PLXDC2: variants seen among roughly 807,000 people sequenced by gnomAD.
The protein encoded by PLXDC2 is plexin domain containing 2.
A neutral mutation model predicts 68.9 loss-of-function variants in PLXDC2; 40 were observed. That is an observed-to-expected ratio of 0.58 (90% CI 0.45 to 0.76). The LOEUF (loss-of-function observed/expected upper bound fraction) is 0.76. Ranked by LOEUF, PLXDC2 falls within the 30% of genes least tolerant of loss-of-function variation. The pLI is 0.00. For synonymous variants in PLXDC2, 243 were observed against 234.2 expected, an observed-to-expected ratio of 1.04 and a Z score of -0.34; for missense variants, 644 against 661.9, an observed-to-expected ratio of 0.97 and a Z score of 0.30.
At position 19,899,791 on chromosome 10, in the gene PLXDC2, T is replaced by C. The variant is rs893379989; in HGVS notation, c.112+82600T>C. Reference sequence around the variant, plus strand: ...ATACTAGTTAAGTATTTTAGATTTCTTTAACACCTTTATGTGTTCATGATA... The same window carrying C: ...ATACTAGTTAAGTATTTTAGATTTCCTTAACACCTTTATGTGTTCATGATA... On this transcript the variant is annotated intron_variant, in intron 1 of 13. Transcript: ENST00000377252. 2.6e-5 allele frequency among the ~76,000 whole-genome samples: 4 copies of C among 152,270 alleles called. No homozygotes were observed. In the South Asian group the frequency reaches 8.3e-4, roughly 32 times the overall value.
At chr10:19,931,364 T>C (rs2131389435) in intron 1 of PLXDC2, among the ~76,000 whole-genome samples, 1 of 152,296 alleles carries the variant, frequency 6.6e-6, no homozygotes, top group South Asian at 2.1e-4. Context: ...GCCAAGCTGT[T>C]TTTAATGACC....
intron 1 of PLXDC2, among the ~76,000 whole-genome samples, chr10:19,872,861 G>A (rs533041095): frequency 3.4e-3 from 513 of 152,224 alleles, no homozygotes; most frequent in Non-Finnish European, 6.4e-3. Flanking sequence ...CCTGGGACAC[G>A]CTTTTAAATT....
chr10:19,929,692 A>C (rs1366050814), intron 1 of PLXDC2, among the ~76,000 whole-genome samples: 1 of 152,224 alleles, frequency 6.6e-6, no homozygotes, highest in African/African-American at 2.4e-5. Context: ...TCAGGAAGAA[A>C]AAAATAAAAC....
At chr10:20,019,735 C>G (rs959309797) in intron 2 of PLXDC2, among the ~76,000 whole-genome samples, 4 of 152,140 alleles carry the variant, frequency 2.6e-5, no homozygotes, top group Admixed American at 1.3e-4. Context: ...ATGTTGGCAC[C>G]TTGACACTGA....
chr10:20,174,637 C>T (rs1834501162), intron 7 of PLXDC2, among the ~76,000 whole-genome samples: 1 of 151,894 alleles, frequency 6.6e-6, no homozygotes, highest in African/African-American at 2.4e-5. Context: ...ACAATGGGGC[C>T]TGTTGTGGGG....
chr10:19,883,979 C>T lies in PLXDC2; in HGVS notation c.112+66788C>T, dbSNP rs1430003078. 3.5e-5 allele frequency among the ~76,000 whole-genome samples: 5 copies of T among 141,850 alleles called. No individual in the cohort carries two copies. In the East Asian group the frequency reaches 1.1e-3, roughly 31 times the overall value. 93.1% of individuals were successfully genotyped at this position (141,850 alleles called of 152,430 possible). On this transcript the variant is annotated intron_variant, in intron 1 of 13. Transcript: ENST00000377252. ...CGTGATTGATCTCGGCTCACTGCAG[C>T]CTCAACTTCCTGGGCTCAGGTGATC...
rs908233707 is a variant in PLXDC2 at position 20,285,783 on chromosome 10, T to C, written c.*5964T>C. On this transcript the variant is annotated 3_prime_UTR_variant, in exon 14 of 14. Transcript: ENST00000377252. ...AAAAAGCATTTGCACTTTAGGTGTG[T>C]GTGGTGGTTATGTCATTTATTAGAC... The C allele has an allele frequency of 5.2e-4, 79 of 152,298 alleles. No individual in the cohort carries two copies. Among genetic ancestry groups the C allele is most frequent in the African/African-American group, 1.8e-3 (76 of 41,580 alleles). 9.4% of individuals were successfully genotyped at this position (152,298 alleles called of 1,614,324 possible). A position where few individuals can be genotyped will look rare whatever the true frequency, so the allele number is the denominator to read the frequency against.
At chr10:20,124,970 A>G (rs1313996568) in intron 4 of PLXDC2, among the ~76,000 whole-genome samples, 1 of 152,090 alleles carries the variant, frequency 6.6e-6, no homozygotes, top group African/African-American at 2.4e-5. Flanking sequence ...ATGAGAGGGT[A>G]ATATAGTGGC....
At chr10:20,067,747 T>A (rs758857101) in intron 3 of PLXDC2, among the ~76,000 whole-genome samples, 31 of 151,990 alleles carry the variant, frequency 2.0e-4, no homozygotes, top group Non-Finnish European at 4.1e-4. Flanking sequence ...TCTTCTTCCG[T>A]GAAACTGCTT....
chr10:20,180,048 A>G (rs528262006), intron 9 of PLXDC2, among the ~76,000 whole-genome samples: 4 of 152,166 alleles, frequency 2.6e-5, no homozygotes, highest in East Asian at 3.9e-4. Context: ...AATCTTTCCT[A>G]GTTGATACCA....
intron 1 of PLXDC2, among the ~76,000 whole-genome samples, chr10:19,842,871 C>T (rs149609538): frequency 2.0e-3 from 302 of 151,998 alleles, no homozygotes; most frequent in African/African-American, 6.5e-3. Context: ...TATCTTTTGA[C>T]GTCATGTTTA....
At chr10:19,849,353 A>T (rs574980548) in intron 1 of PLXDC2, among the ~76,000 whole-genome samples, 18 of 152,204 alleles carry the variant, frequency 1.2e-4, no homozygotes, top group African/African-American at 4.3e-4. Flanking sequence ...CAAATTTTTT[A>T]ATGAAAACTT....
At chr10:20,086,197 T>A (rs1188503126) in intron 4 of PLXDC2, among the ~76,000 whole-genome samples, 3 of 151,986 alleles carry the variant, frequency 2.0e-5, no homozygotes, top group Non-Finnish European at 4.4e-5. Context: ...TTTCACCCTG[T>A]CTCCGAGGCT....
intron 4 of PLXDC2, among the ~76,000 whole-genome samples, chr10:20,102,121 A>G (rs189367490): frequency 1.3e-4 from 20 of 152,170 alleles, no homozygotes; most frequent in Non-Finnish European, 2.1e-4. Context: ...CAGCCTTTCT[A>G]AGAGATCCTT....
chr10:20,038,000 G>T lies in PLXDC2; in HGVS notation c.325-8869G>T, dbSNP rs564765055. Among the ~76,000 whole-genome samples the T allele has an allele frequency of 4.1e-4, 63 of 152,206 alleles. 1 individual carries two copies. The highest frequency in any genetic ancestry group is 1.7e-3 in the South Asian group (8 of 4,824). On this transcript the variant is annotated intron_variant, in intron 2 of 13. Transcript: ENST00000377252. ...AAGTACATGCCTGTAATCCCAGCAC[G>T]CTGGGAGGCTGAGGCGGGCGGATGA... is the stretch of plus-strand genomic sequence containing the variant.
intron 2 of PLXDC2, among the ~76,000 whole-genome samples, chr10:20,033,295 G>T (rs932581961): frequency 1.3e-5 from 2 of 152,104 alleles, no homozygotes; most frequent in Non-Finnish European, 2.9e-5. Flanking sequence ...GTGGATTAAA[G>T]ATGGAGAGAA....
chr10:20,212,548 G>A (rs997320832), intron 10 of PLXDC2, among the ~76,000 whole-genome samples: 1 of 152,044 alleles, frequency 6.6e-6, no homozygotes, highest in African/African-American at 2.4e-5. Context: ...AAGTTTTGGG[G>A]TATCAATTTT....
At chr10:20,022,497 A>G (rs1407458501) in intron 2 of PLXDC2, among the ~76,000 whole-genome samples, 1 of 152,132 alleles carries the variant, frequency 6.6e-6, no homozygotes, top group African/African-American at 2.4e-5. Context: ...CACATGAGGG[A>G]CTGCATTTCT....
At chr10:19,893,643 C>G (rs1029897468) in intron 1 of PLXDC2, among the ~76,000 whole-genome samples, 2 of 152,194 alleles carry the variant, frequency 1.3e-5, no homozygotes, top group African/African-American at 2.4e-5. Context: ...AGAAGCAATA[C>G]TTCTGAAATT....
Sources: allele counts gnomAD v4.1 joint callset (sites outside exome capture counted in the v4.1 genomes callset), GRCh38; gene constraint gnomAD v4.1.1; transcripts MANE v1.5; gene names NCBI Gene and HGNC (gene_info 2026-07-23, HGNC 2026-07-21).